The following QTGAL variants were observed in gnomAD, a reference collection of about 807,000 sequenced individuals.
QTGAL encodes the protein BGnT-like protein 1.
chr17:82,973,669 G>C, the QTGAL span, among the ~76,000 whole-genome samples: 1 of 152,132 alleles, frequency 6.6e-6, no homozygotes, highest in African/African-American at 2.4e-5. Flanking sequence ...CTACACCGCG[G>C]GAACCACACA....
At chr17:82,967,924 G>A in the QTGAL span, among the ~76,000 whole-genome samples, 35,772 of 151,938 alleles carry the variant, frequency 0.24, 4,860 homozygotes, top group East Asian at 0.42. Context: ...GGGCGACAGA[G>A]GGAGACCCTG....
At chr17:82,973,905 G>A in the QTGAL span, among the ~76,000 whole-genome samples, 1 of 152,170 alleles carries the variant, frequency 6.6e-6, no homozygotes, top group Non-Finnish European at 1.5e-5. Flanking sequence ...GTGGACAGGA[G>A]AGAGTGGCAG....
the QTGAL span, among the ~76,000 whole-genome samples, chr17:83,049,553 CA>C: frequency 6.6e-6 from 1 of 151,628 alleles, no homozygotes; most frequent in South Asian, 2.1e-4. Flanking sequence ...GCTGGGATTA[CA>C]GGTGCTGGCT....
At chr17:83,031,184 C>T in the QTGAL span, among the ~76,000 whole-genome samples, 5,151 of 152,274 alleles carry the variant, frequency 0.034, 289 homozygotes, top group African/African-American at 0.12. Flanking sequence ...CAGGAGGAAA[C>T]GCCGCGTCAG....
At chr17:83,010,114 C>T in the QTGAL span, among the ~76,000 whole-genome samples, 10 of 126,776 alleles carry the variant, frequency 7.9e-5, no homozygotes, top group South Asian at 2.7e-4. Flanking sequence ...GGGGGGGCTG[C>T]GGGGGCCCCT....
chr17:83,049,527 C>T, the QTGAL span, among the ~76,000 whole-genome samples: 1 of 151,300 alleles, frequency 6.6e-6, no homozygotes, highest in African/African-American at 2.4e-5. Context: ...ATTCTCCTGC[C>T]TCAGCCTCCC....
At chr17:83,015,404 C>G in the QTGAL span, among the ~76,000 whole-genome samples, 1 of 152,232 alleles carries the variant, frequency 6.6e-6, no homozygotes, top group Non-Finnish European at 1.5e-5. This position sits in a 1 kb window ranked among gnomAD's most constrained non-coding sequence, Gnocchi z 4.4. Context: ...GTGGAAAGAA[C>G]CCAGTGAGTG....
At chr17:82,947,949 C>T in the QTGAL span, 3 of 152,152 alleles carry the variant, frequency 2.0e-5, no homozygotes, top group African/African-American at 4.8e-5. Context: ...TTGACACCGT[C>T]TTAAACAAGA....
At chr17:82,955,697 G>C in the QTGAL span, among the ~76,000 whole-genome samples, 4 of 152,062 alleles carry the variant, frequency 2.6e-5, no homozygotes, top group Non-Finnish European at 5.9e-5. Flanking sequence ...ATACATGCAC[G>C]CATATGTTTA....
At chr17:82,942,503 G>C in the QTGAL span, 1 of 1,613,892 alleles carries the variant, frequency 6.2e-7, no homozygotes, top group East Asian at 2.2e-5. Flanking sequence ...TGCCTGGTGA[G>C]GATGTCTTGT....
chr17:83,049,179 G>A, the QTGAL span: 1 of 190,698 alleles, frequency 5.2e-6, no homozygotes, highest in South Asian at 7.7e-5. Flanking sequence ...CGTGAACCCG[G>A]GAGGCGGAGC....
the QTGAL span, chr17:83,006,521 G>T: frequency 4.1e-6 from 4 of 985,312 alleles, no homozygotes; most frequent in Non-Finnish European, 1.2e-6. This position sits in a 1 kb window ranked among gnomAD's most constrained non-coding sequence, Gnocchi z 5.8. Context: ...CCAGGAGAGG[G>T]ACATGATGGA....
At chr17:82,960,174 G>A in the QTGAL span, among the ~76,000 whole-genome samples, 1 of 152,142 alleles carries the variant, frequency 6.6e-6, no homozygotes, top group African/African-American at 2.4e-5. Context: ...GCCCCCAATG[G>A]GGAAGCTCGT....
At chr17:82,982,905 G>A in the QTGAL span, among the ~76,000 whole-genome samples, 1 of 152,102 alleles carries the variant, frequency 6.6e-6, no homozygotes, top group African/African-American at 2.4e-5. Context: ...TTGGGTCCTT[G>A]TTCTCTGGTT....
the QTGAL span, chr17:83,048,749 G>A: frequency 4.3e-6 from 7 of 1,613,964 alleles, no homozygotes; most frequent in Non-Finnish European, 5.9e-6. Flanking sequence ...CATTCGTCCA[G>A]CCACGGTTCA....
the QTGAL span, among the ~76,000 whole-genome samples, chr17:83,037,265 C>T: frequency 6.6e-6 from 1 of 152,222 alleles, no homozygotes; most frequent in African/African-American, 2.4e-5. The surrounding 1 kb of genome is among the most constrained non-coding windows in gnomAD (Gnocchi z 5.2). Flanking sequence ...ACGGGGGCTG[C>T]CCTGTTCCGG....
the QTGAL span, among the ~76,000 whole-genome samples, chr17:82,970,479 C>A: frequency 6.6e-6 from 1 of 150,702 alleles, no homozygotes; most frequent in African/African-American, 2.5e-5. Flanking sequence ...GCCGTTTGCA[C>A]GGTGGTGAGG....
the QTGAL span, chr17:82,981,426 A>G: frequency 7.9e-5 from 12 of 152,278 alleles, no homozygotes; most frequent in African/African-American, 2.9e-4. Flanking sequence ...GTTTAAAGGC[A>G]TTTGTCTTCC....
At chr17:83,049,765 G>C in the QTGAL span, among the ~76,000 whole-genome samples, 6 of 152,064 alleles carry the variant, frequency 3.9e-5, no homozygotes, top group Non-Finnish European at 8.8e-5. Flanking sequence ...ACTTCGTTTC[G>C]GGCTAGTGTA....
Sources: allele counts gnomAD v4.1 joint callset (sites outside exome capture counted in the v4.1 genomes callset), GRCh38; gene constraint gnomAD v4.1.1; non-coding constraint Gnocchi (gnomAD v3.1); transcripts MANE v1.5; gene names NCBI Gene and HGNC (gene_info 2026-07-23, HGNC 2026-07-21).